The following NFIX variants were observed in gnomAD, a reference collection of about 807,000 sequenced individuals.
NFIX encodes nuclear factor 1 X-type.
A neutral mutation model predicts 53.3 loss-of-function variants in NFIX; 2 were observed. That is an observed-to-expected ratio of 0.04 (90% confidence interval 0.02 to 0.12). The LOEUF is 0.12. Ranked by LOEUF, NFIX falls within the 10% of genes least tolerant of loss-of-function variation. NFIX has a pLI of 1.00. For synonymous variants in NFIX, 244 were observed against 289.0 expected, an observed-to-expected ratio of 0.84 and a Z score of 1.58; for missense variants, 310 against 674.5, an observed-to-expected ratio of 0.46 and a Z score of 5.99.
intron 8 of NFIX, among the ~76,000 whole-genome samples, chr19:13,085,421 A>G (rs1405800351): frequency 6.6e-6 from 1 of 152,168 alleles, no homozygotes; most frequent in Non-Finnish European, 1.5e-5. Flanking sequence ...GTCCCCTGGG[A>G]GCCTGAGCTC....
At chr19:13,075,440 G>T in intron 5 of NFIX, 95 bp from the exon 6 acceptor site, 1 of 1,371,326 alleles carries the variant, frequency 7.3e-7, no homozygotes, top group South Asian at 1.5e-5. Context: ...CCACCCAGAG[G>T]GCCATCTATG....
intron 1 of NFIX, among the ~76,000 whole-genome samples, chr19:13,015,003 G>T (rs1011670575): frequency 9.2e-5 from 14 of 152,208 alleles, no homozygotes; most frequent in Non-Finnish European, 2.9e-5. Context: ...GGAAAAATGG[G>T]CAATAAATGG....
rs923537598 is a variant in NFIX at position 13,078,255 on chromosome 19, C to T, written c.956-358C>T. On this transcript the variant is annotated intron_variant, in intron 6 of 10. Transcript: ENST00000592199. This position sits in a 1 kb window ranked among gnomAD's most constrained non-coding sequence, Gnocchi z 4.7. ...AGCTGGCGCCCTGGGGTTCCTCCTG[C>T]ACTCCTTTCCCAATGTTGGTCCTGC... 6.6e-6 allele frequency among the ~76,000 whole-genome samples: 1 copy of T among 152,212 alleles called. No homozygotes were observed. Among genetic ancestry groups the T allele is most frequent in the African/African-American group, 2.4e-5 (1 of 41,450 alleles).
rs554994314 is a variant in NFIX at position 13,066,356 on chromosome 19, C to A, written c.560-6691C>A. Among the ~76,000 whole-genome samples the A allele has an allele frequency of 2.0e-5, 3 of 152,238 alleles. No individual in the cohort carries two copies. The South Asian group carries it at 6.2e-4, about 32-fold the overall frequency. On this transcript the variant is annotated intron_variant, in intron 2 of 10. Transcript: ENST00000592199. The surrounding 1 kb of genome is among the most constrained non-coding windows in gnomAD (Gnocchi z 4.2). Reference sequence around the variant, plus strand: ...CCAGGTTCCTGTGCCTTCCCTACCCCCCCGCCCCCAACAATGGCTTTTCTT... The same window carrying A: ...CCAGGTTCCTGTGCCTTCCCTACCCACCCGCCCCCAACAATGGCTTTTCTT...
At chr19:13,003,584 C>T (rs2011843924) in intron 1 of NFIX, among the ~76,000 whole-genome samples, 1 of 152,224 alleles carries the variant, frequency 6.6e-6, no homozygotes, top group Admixed American at 6.5e-5. Context: ...ACCCCACACA[C>T]TCCCTAACCC....
rs771310547 is a variant in NFIX at position 13,081,688 on chromosome 19, C to G, written c.1087C>G (p.Arg363Gly). The change falls in exon 8 of 11, where the codon CGG (arginine) becomes GGG (glycine). Residue 363 changes from arginine (R) to glycine (G), a missense_variant. Coordinates refer to ENST00000592199, the MANE Select transcript of NFIX (RefSeq NM_001365902.3). The surrounding 1 kb of genome is among the most constrained non-coding windows in gnomAD (Gnocchi z 4.7). ...VLAGVRPGSP[R>G]ATASALHFPS... ...TGCCCACGTGCATGCAGGGAGCCCC[C>G]GGGCCACAGCATCAGCCCTGCACTT... is the stretch of plus-strand genomic sequence containing the variant. 1 of 1,612,766 alleles carries G rather than the reference C, an allele frequency of 6.2e-7. No individual in the cohort carries two copies.
In NFIX at chr19:13,088,583, G is replaced by A. The variant is rs2017940242; in HGVS notation, c.1402+447G>A. On this transcript the variant is annotated intron_variant, in intron 9 of 10. Transcript: ENST00000592199. This position sits in a 1 kb window ranked among gnomAD's most constrained non-coding sequence, Gnocchi z 5.9. ...AGAAAATCAAATGTAACCACAAGGC[G>A]ACGCCACCACCATCCCCTTTTTGCC... Among the ~76,000 whole-genome samples, 1 of 151,042 alleles carries A rather than the reference G, an allele frequency of 6.6e-6. No individual in the cohort carries two copies. The highest frequency in any genetic ancestry group is 6.6e-5 in the Admixed American group (1 of 15,164).
Position 13,088,425 on chromosome 19 carries a change from G to T in NFIX, c.1402+289G>T, listed in dbSNP as rs1021585341. Among the ~76,000 whole-genome samples, 4 of 152,080 alleles carry T rather than the reference G, an allele frequency of 2.6e-5. No homozygotes were observed. The highest frequency in any genetic ancestry group is 6.5e-5 in the Admixed American group (1 of 15,274). On this transcript the variant is annotated intron_variant, in intron 9 of 10. Coordinates refer to ENST00000592199, the MANE Select transcript of NFIX (RefSeq NM_001365902.3). This position sits in a 1 kb window ranked among gnomAD's most constrained non-coding sequence, Gnocchi z 5.9. ...AGCACAGCTGGGGCGCGCAGGCCAG[G>T]GGTGCTGGCGGGGGTGGGAGGGGGC... is the stretch of plus-strand genomic sequence containing the variant.
chr19:13,094,781 C>A lies in NFIX; in HGVS notation c.*132C>A. ...AAAAGCAAAAATTACACGTCGTCAGCCACTCAGCCCTTCTCTCCTCCAGCC... is the reference window on the plus strand; with the variant it reads ...AAAAGCAAAAATTACACGTCGTCAGACACTCAGCCCTTCTCTCCTCCAGCC... On this transcript the variant is annotated 3_prime_UTR_variant, in exon 11 of 11. Coordinates refer to ENST00000592199, the MANE Select transcript of NFIX (RefSeq NM_001365902.3). The surrounding 1 kb of genome is among the most constrained non-coding windows in gnomAD (Gnocchi z 4.3). The A allele has an allele frequency of 1.1e-6, 1 of 947,220 alleles. No homozygotes were observed. The highest frequency in any genetic ancestry group is 1.6e-6 in the Non-Finnish European group (1 of 628,730). The allele number at this position is 947,220 out of a possible 1,614,324, so 58.7% of individuals were successfully genotyped here.
rs190683071 is a variant in NFIX, at chr19:13,097,168, T to C, written c.*2519T>C. 5 of 150,220 alleles carry C rather than the reference T, an allele frequency of 3.3e-5. No homozygotes were observed. In the East Asian group the frequency reaches 9.7e-4, roughly 29 times the overall value. The allele number at this position is 150,220 out of a possible 1,614,324, so 9.3% of individuals were successfully genotyped here. Reference sequence around the variant, plus strand: ...ATAACGAAAGCTGAGTGTTTTTCCCTTTTTTTTGTTCGTTTTTAGTTTTTT... The same window carrying C: ...ATAACGAAAGCTGAGTGTTTTTCCCCTTTTTTTGTTCGTTTTTAGTTTTTT... On this transcript the variant is annotated 3_prime_UTR_variant, in exon 11 of 11. Transcript: ENST00000592199.
At chr19:13,065,322 C>T (rs1265787020) in intron 2 of NFIX, among the ~76,000 whole-genome samples, 1 of 152,218 alleles carries the variant, frequency 6.6e-6, no homozygotes, top group Non-Finnish European at 1.5e-5. Flanking sequence ...TTGCCTTCTT[C>T]CTTGCCTGAT....
chr19:13,024,881 G>T lies in NFIX; in HGVS notation c.28-140G>T, dbSNP rs992683370. The T allele has an allele frequency of 1.0e-4, 134 of 1,313,496 alleles. 1 individual carries two copies. Among genetic ancestry groups the T allele is most frequent in the Non-Finnish European group, 1.4e-4 (132 of 952,112 alleles). The allele number at this position is 1,313,496 out of a possible 1,614,324, so 81.4% of individuals were successfully genotyped here. A position where few individuals can be genotyped will look rare whatever the true frequency, so the allele number is the denominator to read the frequency against. On this transcript the variant is annotated intron_variant, in intron 1 of 10. Transcript: ENST00000592199. ...AATCGCAAGAGAAAATTGTTGGGGG[G>T]AGGGAGGAGGAGGAGAAGGCGGTTT... is the stretch of plus-strand genomic sequence containing the variant.
rs987573935 is a variant in NFIX at position 13,067,463 on chromosome 19, CGTGTGTGTGTGTGTGTGTGCGT to C, written c.560-5564_560-5543del. On this transcript the variant is annotated intron_variant, in intron 2 of 10. Transcript: ENST00000592199. This position sits in a 1 kb window ranked among gnomAD's most constrained non-coding sequence, Gnocchi z 4.2. ...AGTGGCACCTCCGTGTGTGTGCGCG[CGTGTGTGTGTGTGTGTGTGCGT>C]GTGTGTGTGTGTGTGTGTGTATGTG... Among the ~76,000 whole-genome samples, 15 of 130,998 alleles carry C rather than the reference CGTGTGTGTGTGTGTGTGTGCGT, an allele frequency of 1.1e-4. No individual in the cohort carries two copies. Among genetic ancestry groups the C allele is most frequent in the Non-Finnish European group, 2.3e-4 (14 of 60,788 alleles). The allele number at this position is 130,998 out of a possible 152,430, so 85.9% of individuals were successfully genotyped here.
rs781317645 is a variant in NFIX, at chr19:13,075,592, C to T, written c.876C>T (p.Asp292=). ...DDSEMESPVD[D]VFYPGTGRSP... is the part of the protein sequence containing the mutation. ...GTGAGATGGAGAGCCCTGTTGATGACGTGTTCTATCCCGGGACAGGCCGTT... is the reference window on the plus strand; with the variant it reads ...GTGAGATGGAGAGCCCTGTTGATGATGTGTTCTATCCCGGGACAGGCCGTT... Residue 292 remains aspartate (D), a synonymous_variant, in exon 6 of 11, where the codon GAC becomes GAT. Coordinates refer to ENST00000592199, the MANE Select transcript of NFIX (RefSeq NM_001365902.3). The T allele has an allele frequency of 5.6e-6, 9 of 1,613,544 alleles. No individual in the cohort carries two copies. The highest frequency in any genetic ancestry group is 1.7e-5 in the Admixed American group (1 of 59,962).
chr19:13,083,899 G>A (rs775152298), intron 8 of NFIX, among the ~76,000 whole-genome samples: 2 of 152,238 alleles, frequency 1.3e-5, no homozygotes, highest in African/African-American at 2.4e-5. Context: ...GAGTGGCAGC[G>A]CCCAGCTGTG....
chr19:13,082,175 C>T (rs1036049759), intron 8 of NFIX: 4 of 354,808 alleles, frequency 1.1e-5, no homozygotes, highest in Non-Finnish European at 2.1e-5. Context: ...GGATCTGGGC[C>T]CTGACCTCCC....
intron 2 of NFIX, among the ~76,000 whole-genome samples, chr19:13,055,633 G>T (rs951751464): frequency 2.0e-5 from 3 of 152,104 alleles, no homozygotes; most frequent in East Asian, 1.9e-4. Flanking sequence ...GCTGGGGGAG[G>T]GGGGGGTCTG....
chr19:13,085,986 A>C (rs541984529), intron 8 of NFIX, among the ~76,000 whole-genome samples: 20 of 152,212 alleles, frequency 1.3e-4, no homozygotes, highest in Non-Finnish European at 2.6e-4. Flanking sequence ...TCCTAGAGAA[A>C]CAGGGCAGAG....
Position 13,078,705 on chromosome 19 carries a change from C to T in NFIX, c.1048C>T (p.Pro350Ser), listed in dbSNP as rs1371399486. The change falls in exon 7 of 11, where the codon CCG becomes TCG. Residue 350 changes from proline to serine, a missense_variant. By Grantham distance (74) the Pro-to-Ser change is moderately conservative. Coordinates refer to ENST00000592199, the MANE Select transcript of NFIX (RefSeq NM_001365902.3). This position sits in a 1 kb window ranked among gnomAD's most constrained non-coding sequence, Gnocchi z 4.7. ...SSPRMAFTHHPLPVLAGVRPG... is the reference protein window; with the variant it reads ...SSPRMAFTHHSLPVLAGVRPG... The stretch of plus-strand genomic sequence containing the variant: ...CCCGCGCATGGCTTTCACCCACCAC[C>T]CGCTGCCTGTGCTTGCTGGAGTCAG... The T allele has an allele frequency of 6.2e-7, 1 of 1,600,400 alleles. No homozygotes were observed. Among genetic ancestry groups the T allele is most frequent in the Non-Finnish European group, 8.5e-7 (1 of 1,173,894 alleles).
Sources: gnomAD v4.1 joint callset for allele counts (sites outside exome capture counted in the v4.1 genomes callset) on GRCh38, gnomAD v4.1.1 for gene constraint, Gnocchi (gnomAD v3.1) non-coding constraint, MANE v1.5 for transcripts, NCBI Gene and HGNC (gene_info 2026-07-23, HGNC 2026-07-21) for gene names.